AGFG1: variants seen among roughly 807,000 people sequenced by gnomAD.
The protein encoded by AGFG1 is ArfGAP with FG repeats 1, also known as arf-GAP domain and FG repeat-containing protein 1.
A neutral mutation model predicts 60.6 loss-of-function variants in AGFG1; 10 were observed. The ratio of observed to expected loss-of-function variants is 0.16; its 90% CI spans 0.10 to 0.28. AGFG1 has a LOEUF of 0.28. Ranked by LOEUF, AGFG1 falls within the 10% of genes least tolerant of loss-of-function variation. AGFG1 has a pLI of 1.00. For synonymous variants in AGFG1, 247 were observed against 242.9 expected (o/e 1.02, Z -0.16); for missense variants, 537 against 676.5 (o/e 0.79, Z 2.29).
At chr2:227,474,196 G>T (rs761927313) in intron 1 of AGFG1, among the ~76,000 whole-genome samples, 2 of 152,172 alleles carry the variant, frequency 1.3e-5, no homozygotes, top group East Asian at 1.9e-4. Flanking sequence ...TGTTACTTAC[G>T]TTGGACAATA....
At chr2:227,539,768 AGG>A (rs1473355422) in intron 10 of AGFG1, among the ~76,000 whole-genome samples, 2 of 149,076 alleles carry the variant, frequency 1.3e-5, no homozygotes, top group Non-Finnish European at 3.0e-5. Context: ...AAAAAAAAAA[AGG>A]AGGTACCCTT....
intron 10 of AGFG1, among the ~76,000 whole-genome samples, chr2:227,547,397 A>G (rs566462024): frequency 1.4e-3 from 212 of 152,316 alleles, no homozygotes; most frequent in African/African-American, 5.0e-3. Flanking sequence ...TTAATAATCT[A>G]CAATTGGTAT....
chr2:227,481,782 G>T (rs1344796675), intron 1 of AGFG1, among the ~76,000 whole-genome samples: 1 of 151,494 alleles, frequency 6.6e-6, no homozygotes, highest in Non-Finnish European at 1.5e-5. Flanking sequence ...TCTGTCTCTT[G>T]TGGGTTAATA....
intron 10 of AGFG1, among the ~76,000 whole-genome samples, chr2:227,551,292 T>C (rs1692812193): frequency 1.3e-5 from 2 of 152,174 alleles, no homozygotes; most frequent in African/African-American, 4.8e-5. Flanking sequence ...AAAGCTGTCT[T>C]CATTTACCTT....
intron 2 of AGFG1, among the ~76,000 whole-genome samples, chr2:227,505,287 G>C (rs1452751123): frequency 1.3e-5 from 2 of 152,100 alleles, no homozygotes; most frequent in African/African-American, 4.8e-5. Context: ...GATGCACCTG[G>C]ATATGCTTTG....
Position 227,524,858 on chromosome 2 carries a change from C to T in AGFG1, c.637C>T (p.Pro213Ser). The change falls in exon 5 of 13, where the codon CCT becomes TCT. Residue 213 changes from proline to serine, a missense_variant. This residue lies in a region of AGFG1 where 102 missense variants were observed against 82.9 expected (regional missense o/e 1.23). Transcript: ENST00000310078. ...LGSDIFAAPAPQSTATANFAN... is the reference protein window; with the variant it reads ...LGSDIFAAPASQSTATANFAN... ...CTCAGACATCTTTGCTGCTCCAGCT[C>T]CTCAGTCAACAGCTACAGCCAATTT... The T allele has an allele frequency of 4.3e-6, 7 of 1,614,130 alleles. No individual in the cohort carries two copies. The highest frequency in any genetic ancestry group is 5.1e-6 in the Non-Finnish European group (6 of 1,179,992).
At chr2:227,540,927 T>C (rs1188577159) in intron 10 of AGFG1, among the ~76,000 whole-genome samples, 1 of 152,260 alleles carries the variant, frequency 6.6e-6, no homozygotes, top group African/African-American at 2.4e-5. Flanking sequence ...AGTTTTGGTT[T>C]GCATTTCTCT....
At chr2:227,552,408 A>AAT (rs1227284002) in intron 11 of AGFG1, among the ~76,000 whole-genome samples, 8 of 152,124 alleles carry the variant, frequency 5.3e-5, no homozygotes, top group African/African-American at 1.9e-4. Flanking sequence ...TACATGTTCT[A>AAT]ATATACCTCT....
chr2:227,490,145 C>T (rs536221293), intron 1 of AGFG1, among the ~76,000 whole-genome samples: 8 of 151,900 alleles, frequency 5.3e-5, no homozygotes, highest in African/African-American at 1.2e-4. Flanking sequence ...TAGAATGTTA[C>T]GCACCATATT....
At chr2:227,551,166 G>C (rs1294686412) in intron 10 of AGFG1, among the ~76,000 whole-genome samples, 1 of 152,132 alleles carries the variant, frequency 6.6e-6, no homozygotes, top group Non-Finnish European at 1.5e-5. Context: ...CAGTAGCATT[G>C]AACACTTTGG....
chr2:227,495,314 A>G (rs1270522456), intron 2 of AGFG1, among the ~76,000 whole-genome samples: 1 of 152,058 alleles, frequency 6.6e-6, no homozygotes, highest in Non-Finnish European at 1.5e-5. Context: ...TGGGAGGTGG[A>G]GGTGGGAGGA....
At chr2:227,495,545 C>CA (rs1215021284) in intron 2 of AGFG1, among the ~76,000 whole-genome samples, 14,431 of 89,924 alleles carry the variant, frequency 0.16, 1,133 homozygotes, top group African/African-American at 0.28. Context: ...GATACTGTCT[C>CA]AAAAAAAAAA....
Position 227,534,905 on chromosome 2 carries a change from C to T in AGFG1, c.1085C>T (p.Ser362Leu), listed in dbSNP as rs774704126. ...TGKAPVGSVV[S>L]VPSQSSASSD... ...AAAGCTCCTGTTGGTTCTGTGGTTT[C>T]AGTTCCCAGTCAGTCAAGTGCATCT... Residue 362 changes from serine to leucine, a missense_variant, in exon 8 of 13, where the codon TCA becomes TTA. Physicochemically the swap from Ser to Leu is moderately radical, Grantham distance 145. Around this residue, in one of 4 missense-constraint regions of AGFG1, gnomAD observed 287 missense variants for 343.6 expected, o/e 0.84. Coordinates refer to ENST00000310078, the MANE Select transcript of AGFG1 (RefSeq NM_004504.5). 1 of 1,613,882 alleles carries T rather than the reference C, an allele frequency of 6.2e-7. No homozygotes were observed. The highest frequency in any genetic ancestry group is 8.5e-7 in the Non-Finnish European group (1 of 1,179,852).
At chr2:227,480,190 A>G (rs1212283891) in intron 1 of AGFG1, among the ~76,000 whole-genome samples, 1 of 152,118 alleles carries the variant, frequency 6.6e-6, no homozygotes, top group Non-Finnish European at 1.5e-5. Context: ...AGAAAAGATT[A>G]GACAGTGGGG....
intron 2 of AGFG1, among the ~76,000 whole-genome samples, chr2:227,517,473 T>C (rs1218188913): frequency 1.3e-5 from 2 of 152,224 alleles, no homozygotes; most frequent in East Asian, 1.9e-4. Flanking sequence ...GGTTTCACCA[T>C]GTTGGCCATG....
intron 2 of AGFG1, among the ~76,000 whole-genome samples, chr2:227,496,435 C>A (rs1170381928): frequency 8.9e-5 from 9 of 101,162 alleles, no homozygotes; most frequent in Admixed American, 3.2e-4. Flanking sequence ...GAGCGAGACT[C>A]CGTCTCAAAA....
At chr2:227,532,041 C>A in intron 6 of AGFG1, 1 of 957,088 alleles carries the variant, frequency 1.0e-6, no homozygotes, top group Non-Finnish European at 1.5e-6. Context: ...TTTCTTTCAA[C>A]TTTTAACTCT....
chr2:227,517,562 G>T (rs907850711), intron 2 of AGFG1, among the ~76,000 whole-genome samples: 13 of 152,158 alleles, frequency 8.5e-5, no homozygotes, highest in African/African-American at 3.1e-4. Flanking sequence ...GAGCCACCAC[G>T]CCCGACCCAC....
chr2:227,543,081 A>G (rs567974080), intron 10 of AGFG1, among the ~76,000 whole-genome samples: 1 of 151,808 alleles, frequency 6.6e-6, no homozygotes, highest in African/African-American at 2.4e-5. Flanking sequence ...CGGTCTGTCA[A>G]TTTTGTTGAT....
Sources: allele counts gnomAD v4.1 joint callset (sites outside exome capture counted in the v4.1 genomes callset), GRCh38; gene constraint gnomAD v4.1.1; regional missense constraint gnomAD v4.1.1; transcripts MANE v1.5; gene names NCBI Gene and HGNC (gene_info 2026-07-23, HGNC 2026-07-21).